The following GRID1 variants were observed in gnomAD, a reference collection of about 807,000 sequenced individuals.
The protein encoded by GRID1 is glutamate receptor ionotropic, delta-1.
GRID1 carries 28 observed loss-of-function variants against 98.0 expected under a neutral mutation model. That is an observed-to-expected ratio of 0.29 (90% CI 0.21 to 0.39). The LOEUF (loss-of-function observed/expected upper bound fraction) is 0.39, where lower values mean the gene tolerates loss of function less well. GRID1 is among the 10% of genes least tolerant of loss of function. GRID1 has a pLI of 1.00. For synonymous variants in GRID1, 553 were observed against 538.5 expected (o/e 1.03, Z -0.37); for missense variants, 1,111 against 1,340.5 (o/e 0.83, Z 2.67).
intron 4 of GRID1, among the ~76,000 whole-genome samples, chr10:85,944,154 G>A (rs1275404654): frequency 6.6e-6 from 1 of 152,234 alleles, no homozygotes; most frequent in Non-Finnish European, 1.5e-5. Flanking sequence ...CTGTGAAGGA[G>A]CTAAGCCAAG....
intron 8 of GRID1, among the ~76,000 whole-genome samples, chr10:85,847,549 T>A (rs1175884306): frequency 3.3e-5 from 5 of 152,166 alleles, no homozygotes; most frequent in Non-Finnish European, 7.3e-5. Context: ...TGAGGAGATA[T>A]GCAAATTTAT....
chr10:85,629,780 C>G (rs1457618540), intron 13 of GRID1, among the ~76,000 whole-genome samples: 1 of 152,158 alleles, frequency 6.6e-6, no homozygotes, highest in Non-Finnish European at 1.5e-5. Flanking sequence ...TTTGGGAAAT[C>G]TACATACTGT....
intron 14 of GRID1, among the ~76,000 whole-genome samples, chr10:85,616,164 G>A (rs1019135342): frequency 2.6e-5 from 4 of 152,196 alleles, no homozygotes; most frequent in Admixed American, 1.3e-4. Flanking sequence ...TGCCAGCACT[G>A]ACATGAGCGA....
rs926733063 is a variant in GRID1 at position 85,956,341 on chromosome 10, T to A, written c.727-40102A>T. Among the ~76,000 whole-genome samples, 7 of 151,380 alleles carry A rather than the reference T, an allele frequency of 4.6e-5. No individual in the cohort carries two copies. The South Asian group carries it at 1.5e-3, about 32-fold the overall frequency. ...AACTCCCTTTCTCAACCCTTCCTATTCCAGCAAGCTTCTGCTAGCCCAACC... is the reference window on the plus strand; with the variant it reads ...AACTCCCTTTCTCAACCCTTCCTATACCAGCAAGCTTCTGCTAGCCCAACC... On this transcript the variant is annotated intron_variant, in intron 4 of 15. Coordinates refer to ENST00000327946, the MANE Select transcript of GRID1 (RefSeq NM_017551.3).
chr10:86,267,195 T>C (rs906866837), intron 2 of GRID1, among the ~76,000 whole-genome samples: 1 of 152,212 alleles, frequency 6.6e-6, no homozygotes, highest in Non-Finnish European at 1.5e-5. Context: ...AGCTGGATAT[T>C]ATCATCCCAA....
At chr10:85,720,810 G>A (rs1841692816) in intron 12 of GRID1, among the ~76,000 whole-genome samples, 1 of 152,088 alleles carries the variant, frequency 6.6e-6, no homozygotes, top group African/African-American at 2.4e-5. Flanking sequence ...TCTCAGGCTA[G>A]GAAAAGACTT....
intron 12 of GRID1, among the ~76,000 whole-genome samples, chr10:85,707,522 A>C (rs552572278): frequency 7.2e-4 from 109 of 152,194 alleles, no homozygotes; most frequent in Non-Finnish European, 1.1e-3. Context: ...GTGGGACTGT[A>C]AACTAGTTCA....
intron 2 of GRID1, among the ~76,000 whole-genome samples, chr10:86,326,527 G>A (rs554126243): frequency 1.2e-4 from 19 of 152,218 alleles, no homozygotes; most frequent in Non-Finnish European, 2.8e-4. Flanking sequence ...TAATGAAAAA[G>A]TAGAAGGCAG....
chr10:85,836,903 G>A (rs182775879), intron 8 of GRID1, among the ~76,000 whole-genome samples: 39 of 152,204 alleles, frequency 2.6e-4, no homozygotes, highest in East Asian at 9.7e-4. Context: ...GACCAAGCCC[G>A]ACAGGTGGAG....
chr10:85,771,115 T>C lies in GRID1; in HGVS notation c.1234-41501A>G, dbSNP rs868123842. Among the ~76,000 whole-genome samples the C allele has an allele frequency of 2.4e-3, 363 of 152,248 alleles. 3 individuals are homozygous for C. Among genetic ancestry groups the C allele is most frequent in the African/African-American group, 8.5e-3 (353 of 41,546 alleles). ...CAAAGGGAAGCCCATCAGACTAACATCGGATCTCTCGGCAGAAACTCTACA... is the reference window on the plus strand; with the variant it reads ...CAAAGGGAAGCCCATCAGACTAACACCGGATCTCTCGGCAGAAACTCTACA... On this transcript the variant is annotated intron_variant, in intron 8 of 15. Transcript: ENST00000327946.
intron 8 of GRID1, among the ~76,000 whole-genome samples, chr10:85,779,311 T>C (rs776414758): frequency 2.6e-5 from 4 of 152,180 alleles, no homozygotes; most frequent in Non-Finnish European, 5.9e-5. Context: ...TTCACTCTAC[T>C]GGAAAAATCC....
At chr10:86,163,504 C>T (rs1351766527) in intron 3 of GRID1, among the ~76,000 whole-genome samples, 1 of 151,376 alleles carries the variant, frequency 6.6e-6, no homozygotes, top group African/African-American at 2.4e-5. Flanking sequence ...TGTTGGGATG[C>T]TGCACCCGTT....
chr10:86,271,922 A>G (rs1847191657), intron 2 of GRID1, among the ~76,000 whole-genome samples: 2 of 152,182 alleles, frequency 1.3e-5, no homozygotes, highest in Admixed American at 6.5e-5. Context: ...GCACAGATGC[A>G]AAAATTTTAA....
chr10:86,087,148 C>T (rs1055394519), intron 4 of GRID1, among the ~76,000 whole-genome samples: 5 of 152,182 alleles, frequency 3.3e-5, no homozygotes, highest in Admixed American at 1.3e-4. Flanking sequence ...TGGCTATACA[C>T]ACTTATACAC....
chr10:85,865,966 G>C (rs1377972007), intron 6 of GRID1, among the ~76,000 whole-genome samples: 18 of 82,568 alleles, frequency 2.2e-4, no homozygotes, highest in African/African-American at 1.0e-3. Context: ...GAGAGAGAGA[G>C]AGAGAGAGAG....
chr10:86,031,859 A>G (rs1195234617), intron 4 of GRID1, among the ~76,000 whole-genome samples: 1 of 152,150 alleles, frequency 6.6e-6, no homozygotes, highest in Non-Finnish European at 1.5e-5. Flanking sequence ...CATATGGCAA[A>G]TACACCCCTG....
At chr10:85,710,604 A>T (rs1328008567) in intron 12 of GRID1, among the ~76,000 whole-genome samples, 1 of 152,122 alleles carries the variant, frequency 6.6e-6, no homozygotes, top group African/African-American at 2.4e-5. Flanking sequence ...AGACAAAGGG[A>T]TAATCTGGAC....
At chr10:85,952,341 G>A (rs1842136522) in intron 4 of GRID1, among the ~76,000 whole-genome samples, 1 of 152,188 alleles carries the variant, frequency 6.6e-6, no homozygotes, top group African/African-American at 2.4e-5. Flanking sequence ...AAAATAGCCT[G>A]GTTTTGTTTG....
intron 4 of GRID1, among the ~76,000 whole-genome samples, chr10:86,098,412 C>G (rs973367024): frequency 1.3e-5 from 2 of 152,214 alleles, no homozygotes; most frequent in African/African-American, 4.8e-5. Context: ...GCAGGATCCT[C>G]TATAACTTGG....
Sources: allele counts gnomAD v4.1 joint callset (sites outside exome capture counted in the v4.1 genomes callset), GRCh38; gene constraint gnomAD v4.1.1; transcripts MANE v1.5; gene names NCBI Gene and HGNC (gene_info 2026-07-23, HGNC 2026-07-21).